The following NBAS variants were observed in gnomAD, a reference collection of about 807,000 sequenced individuals.
The protein encoded by NBAS is NBAS subunit of NRZ tethering complex.
In NBAS, 219 loss-of-function variants were observed where a neutral mutation model predicts 302.5. The ratio of observed to expected loss-of-function variants is 0.72; its 90% CI spans 0.65 to 0.81. The LOEUF (loss-of-function observed/expected upper bound fraction) is 0.81, where lower values mean the gene tolerates loss of function less well. Among genes scored for constraint, NBAS ranks in the 30% least tolerant of loss-of-function variants. The pLI, the probability that NBAS is intolerant of heterozygous loss-of-function variation, is 0.00. For missense variants in NBAS, 2,932 were observed against 2,841.6 expected (o/e 1.03, Z -0.72); for synonymous variants, 1,118 against 1,021.6 (o/e 1.09, Z -1.80).
At chr2:15,508,746 G>A (rs1661994351) in intron 10 of NBAS, among the ~76,000 whole-genome samples, 1 of 152,142 alleles carries the variant, frequency 6.6e-6, no homozygotes, top group South Asian at 2.1e-4. Flanking sequence ...GCTCACGCCT[G>A]TAATCCTAGC....
chr2:15,295,293 A>G (rs1670495385), intron 40 of NBAS, among the ~76,000 whole-genome samples: 1 of 152,248 alleles, frequency 6.6e-6, no homozygotes, highest in Non-Finnish European at 1.5e-5. Flanking sequence ...ACAGGCTCTT[A>G]TGTAATCTGC....
chr2:15,493,203 C>T (rs1358377697), intron 11 of NBAS, among the ~76,000 whole-genome samples: 1 of 152,162 alleles, frequency 6.6e-6, no homozygotes, highest in Non-Finnish European at 1.5e-5. Flanking sequence ...CTGAGGCCTC[C>T]CCAGCCATGT....
chr2:14,931,427 C>T, the NBAS span, among the ~76,000 whole-genome samples: 3 of 152,110 alleles, frequency 2.0e-5, no homozygotes, highest in East Asian at 1.9e-4. Flanking sequence ...ATGACAAACC[C>T]GTAGGCCTAA....
At chr2:15,084,515 C>G in the NBAS span, among the ~76,000 whole-genome samples, 3 of 152,244 alleles carry the variant, frequency 2.0e-5, no homozygotes, top group Non-Finnish European at 2.9e-5. Flanking sequence ...GGGATGGACT[C>G]TATTTTCCTG....
At chr2:14,845,379 T>C in the NBAS span, among the ~76,000 whole-genome samples, 1 of 152,206 alleles carries the variant, frequency 6.6e-6, no homozygotes, top group Non-Finnish European at 1.5e-5. Context: ...AAGATATGGC[T>C]TATATCACAA....
the NBAS span, among the ~76,000 whole-genome samples, chr2:14,805,455 G>A: frequency 6.6e-6 from 1 of 152,134 alleles, no homozygotes; most frequent in Non-Finnish European, 1.5e-5. Flanking sequence ...TAAGAGCCAT[G>A]AAAAAGTTTT....
intron 48 of NBAS, among the ~76,000 whole-genome samples, chr2:15,199,322 C>A (rs941522066): frequency 6.6e-6 from 1 of 151,992 alleles, no homozygotes; most frequent in Non-Finnish European, 1.5e-5. Flanking sequence ...ATGAATATTA[C>A]AGAAATTTGA....
the NBAS span, among the ~76,000 whole-genome samples, chr2:15,114,807 A>G: frequency 2.6e-5 from 4 of 152,184 alleles, no homozygotes; most frequent in Admixed American, 6.5e-5. Flanking sequence ...GTTTTTTTGC[A>G]GTTTTCTGCA....
the NBAS span, among the ~76,000 whole-genome samples, chr2:14,855,753 C>T: frequency 6.6e-6 from 1 of 152,106 alleles, no homozygotes; most frequent in African/African-American, 2.4e-5. Flanking sequence ...AGGCACGATA[C>T]AATAGAACAC....
rs775537262 is a variant in NBAS at position 15,219,943 on chromosome 2, C to T, written c.6237-975G>A. On this transcript the variant is annotated intron_variant, in intron 47 of 51. Transcript: ENST00000281513. ...TCACCTCCCGGATGGGGCGGCTGGC[C>T]GGGCAGAGGGCTCCTCACTTCCCAG... is the stretch of plus-strand genomic sequence containing the variant. Among the ~76,000 whole-genome samples the T allele has an allele frequency of 8.4e-3, 1,235 of 146,756 alleles. 5 individuals carry two copies. The highest frequency in any genetic ancestry group is 0.013 in the Non-Finnish European group (855 of 66,758).
At chr2:15,004,642 A>G in the NBAS span, among the ~76,000 whole-genome samples, 1 of 148,154 alleles carries the variant, frequency 6.7e-6, no homozygotes, top group Non-Finnish European at 1.5e-5. Flanking sequence ...CTGAGACAAC[A>G]GGCGCAGACC....
chr2:15,149,694 T>C, the NBAS span, among the ~76,000 whole-genome samples: 1 of 152,110 alleles, frequency 6.6e-6, no homozygotes, highest in Admixed American at 6.6e-5. Context: ...GCCATGTTGC[T>C]CAGGCAATCC....
chr2:14,846,740 G>T, the NBAS span, among the ~76,000 whole-genome samples: 11 of 151,978 alleles, frequency 7.2e-5, no homozygotes, highest in African/African-American at 2.7e-4. Context: ...GAATTAAGTT[G>T]TTATCAACTT....
intron 40 of NBAS, among the ~76,000 whole-genome samples, chr2:15,293,493 T>C (rs1036780348): frequency 2.0e-5 from 3 of 152,080 alleles, no homozygotes; most frequent in Admixed American, 6.5e-5. Context: ...ACTAGCCACA[T>C]TTATTTATAT....
intron 30 of NBAS, among the ~76,000 whole-genome samples, chr2:15,375,875 T>C (rs928698411): frequency 1.3e-5 from 2 of 151,830 alleles, no homozygotes; most frequent in African/African-American, 4.8e-5. Context: ...AATAGAACTG[T>C]CTGTACTCAC....
chr2:15,431,956 T>C (rs1385609166), intron 21 of NBAS, among the ~76,000 whole-genome samples: 1 of 152,184 alleles, frequency 6.6e-6, no homozygotes, highest in Admixed American at 6.5e-5. Flanking sequence ...TAGCTACTTA[T>C]TCTTTCGTTA....
chr2:15,406,046 G>C (rs557398185), intron 25 of NBAS, among the ~76,000 whole-genome samples: 155 of 130,606 alleles, frequency 1.2e-3, no homozygotes, highest in African/African-American at 4.0e-3. Flanking sequence ...GCAATTTTAT[G>C]AAAGTAGACA....
the NBAS span, among the ~76,000 whole-genome samples, chr2:15,129,680 G>T: frequency 6.6e-6 from 1 of 152,086 alleles, no homozygotes; most frequent in East Asian, 1.9e-4. Flanking sequence ...TTTACCACCT[G>T]GACATTCTCA....
chr2:15,093,248 T>G, the NBAS span, among the ~76,000 whole-genome samples: 1 of 152,118 alleles, frequency 6.6e-6, no homozygotes, highest in Admixed American at 6.5e-5. Context: ...AAACCCCGTC[T>G]CTACTAAAAA....
Sources: gnomAD v4.1 joint callset for allele counts (sites outside exome capture counted in the v4.1 genomes callset) on GRCh38, gnomAD v4.1.1 for gene constraint, MANE v1.5 for transcripts, NCBI Gene and HGNC (gene_info 2026-07-23, HGNC 2026-07-21) for gene names.